The following HS3ST4 variants were observed in gnomAD, a reference collection of about 807,000 sequenced individuals.
The protein encoded by HS3ST4 is heparan sulfate-glucosamine 3-sulfotransferase 4.
A neutral mutation model predicts 29.2 loss-of-function variants in HS3ST4; 17 were observed. That is an observed-to-expected ratio of 0.58 (90% confidence interval 0.40 to 0.87). The LOEUF is 0.87. Ranked by LOEUF, HS3ST4 falls within the 40% of genes least tolerant of loss-of-function variation. The pLI is 0.00. For synonymous variants in HS3ST4, 314 were observed against 285.7 expected (o/e 1.10, Z -1.00); for missense variants, 627 against 634.5 (o/e 0.99, Z 0.13).
intron 1 of HS3ST4, among the ~76,000 whole-genome samples, chr16:25,898,797 G>A (rs892424884): frequency 1.2e-4 from 18 of 152,220 alleles, no homozygotes; most frequent in Non-Finnish European, 2.5e-4. Flanking sequence ...AGAGGGAGAT[G>A]TTGAAGATAG....
intron 1 of HS3ST4, among the ~76,000 whole-genome samples, chr16:26,109,230 G>A (rs1318815787): frequency 2.6e-5 from 4 of 152,148 alleles, no homozygotes; most frequent in African/African-American, 9.7e-5. Flanking sequence ...GCAAAGGGAG[G>A]CAGGTTGTTG....
chr16:25,787,473 C>T (rs1377742848), intron 1 of HS3ST4, among the ~76,000 whole-genome samples: 4 of 152,158 alleles, frequency 2.6e-5, no homozygotes, highest in Non-Finnish European at 4.4e-5. Context: ...TACAACTGGC[C>T]CATTACAACA....
intron 1 of HS3ST4, among the ~76,000 whole-genome samples, chr16:25,725,981 G>A (rs922402627): frequency 2.0e-5 from 3 of 152,036 alleles, no homozygotes; most frequent in East Asian, 1.9e-4. Flanking sequence ...TAATGACCTA[G>A]TATAAACACA....
At chr16:25,799,205 G>A (rs1292272157) in intron 1 of HS3ST4, among the ~76,000 whole-genome samples, 2 of 152,168 alleles carry the variant, frequency 1.3e-5, no homozygotes, top group African/African-American at 4.8e-5. Context: ...GGTGTTGTAA[G>A]TGATTTCCAT....
intron 1 of HS3ST4, among the ~76,000 whole-genome samples, chr16:25,717,722 C>T (rs900768303): frequency 6.6e-6 from 1 of 151,920 alleles, no homozygotes; most frequent in Non-Finnish European, 1.5e-5. Flanking sequence ...TTGTAGGCCA[C>T]GTTAAAGAGT....
At chr16:25,993,998 GT>G (rs1969137297) in intron 1 of HS3ST4, among the ~76,000 whole-genome samples, 1 of 146,974 alleles carries the variant, frequency 6.8e-6, no homozygotes, top group Non-Finnish European at 1.5e-5. Context: ...GTGTGTGTGT[GT>G]GTGTGTGTGG....
Position 25,761,962 on chromosome 16 carries a change from C to T in HS3ST4, c.734+68811C>T, listed in dbSNP as rs943209553. Among the ~76,000 whole-genome samples the T allele has an allele frequency of 3.3e-5, 5 of 152,070 alleles. No homozygotes were observed. In the South Asian group the frequency reaches 6.2e-4, roughly 19 times the overall value. On this transcript the variant is annotated intron_variant, in intron 1 of 1. Coordinates refer to ENST00000331351, the MANE Select transcript of HS3ST4 (RefSeq NM_006040.3). ...TATGGAATGAATGTATGTGTTCCCC[C>T]GAAATTCATAGTTTGAAGCCCTCAC...
intron 1 of HS3ST4, among the ~76,000 whole-genome samples, chr16:25,917,513 T>G (rs1311519038): frequency 1.3e-5 from 2 of 152,200 alleles, no homozygotes; most frequent in Non-Finnish European, 2.9e-5. Context: ...GCCCAGCCTA[T>G]CGCTCTTTCT....
chr16:25,903,300 GTGTATGTATATGTATATATTATATA>G (rs1968137674), intron 1 of HS3ST4, among the ~76,000 whole-genome samples: 2 of 19,060 alleles, frequency 1.0e-4, no homozygotes, highest in Admixed American at 5.1e-4. Flanking sequence ...GTGTGTGTGT[GTGTATGTATATGTATATATTATATA>G]TATGTATATG....
intron 1 of HS3ST4, among the ~76,000 whole-genome samples, chr16:26,078,643 AG>A (rs967088739): frequency 3.3e-5 from 5 of 152,212 alleles, no homozygotes; most frequent in African/African-American, 1.2e-4. Context: ...GGTATATCTG[AG>A]CTCATGCATC....
chr16:25,906,398 G>A (rs1968181005), intron 1 of HS3ST4, among the ~76,000 whole-genome samples: 1 of 151,968 alleles, frequency 6.6e-6, no homozygotes, highest in Non-Finnish European at 1.5e-5. Flanking sequence ...TACCCTGAGT[G>A]GACTTTCATT....
intron 1 of HS3ST4, among the ~76,000 whole-genome samples, chr16:25,718,499 T>C (rs966174704): frequency 1.5e-4 from 10 of 65,658 alleles, no homozygotes; most frequent in Admixed American, 8.5e-4. Context: ...TAAGCAGAAA[T>C]GGGAGAGAGA....
Position 25,788,586 on chromosome 16 carries a change from G to C in HS3ST4, c.734+95435G>C, listed in dbSNP as rs537038153. Reference sequence around the variant, plus strand: ...GACAGGGTCTTGGTCTGTTGCCCGGGCTGGAGTGCAGTGGCATGATCCTAG... The same window carrying C: ...GACAGGGTCTTGGTCTGTTGCCCGGCCTGGAGTGCAGTGGCATGATCCTAG... On this transcript the variant is annotated intron_variant, in intron 1 of 1. Transcript: ENST00000331351. Among the ~76,000 whole-genome samples the C allele has an allele frequency of 2.1e-5, 3 of 141,486 alleles. No homozygotes were observed. In the East Asian group the frequency reaches 6.1e-4, roughly 29 times the overall value. The allele number at this position is 141,486 out of a possible 152,430, so 92.8% of individuals were successfully genotyped here.
intron 1 of HS3ST4, among the ~76,000 whole-genome samples, chr16:25,794,436 G>A (rs565756517): frequency 2.6e-5 from 4 of 151,164 alleles, no homozygotes; most frequent in South Asian, 2.1e-4. Context: ...GAATTCTCTC[G>A]GGTTTTATCG....
intron 1 of HS3ST4, among the ~76,000 whole-genome samples, chr16:26,112,551 T>C (rs1457400698): frequency 1.3e-5 from 2 of 151,596 alleles, no homozygotes; most frequent in African/African-American, 2.4e-5. Flanking sequence ...TACATTAACA[T>C]TAAAACTTCT....
At chr16:26,132,366 G>A (rs536537864) in intron 1 of HS3ST4, among the ~76,000 whole-genome samples, 173 of 152,246 alleles carry the variant, frequency 1.1e-3, no homozygotes, top group Non-Finnish European at 1.8e-3. Context: ...CTCCCCATGT[G>A]TGCCCCAAAT....
chr16:25,728,133 C>G (rs1193995497), intron 1 of HS3ST4, among the ~76,000 whole-genome samples: 1 of 152,172 alleles, frequency 6.6e-6, no homozygotes, highest in Non-Finnish European at 1.5e-5. Flanking sequence ...TCCTGAGTAG[C>G]TGGGATTACA....
At chr16:25,728,962 A>C (rs1009760445) in intron 1 of HS3ST4, among the ~76,000 whole-genome samples, 15 of 152,144 alleles carry the variant, frequency 9.9e-5, no homozygotes, top group African/African-American at 3.6e-4. Context: ...CTGTGCCTGT[A>C]GTCCCAGCTA....
chr16:25,759,744 G>A (rs553500579), intron 1 of HS3ST4, among the ~76,000 whole-genome samples: 120 of 152,242 alleles, frequency 7.9e-4, no homozygotes, highest in Middle Eastern at 6.8e-3. Context: ...ATGCAACATA[G>A]TGAGACGCCA....
Sources: allele counts gnomAD v4.1 joint callset (sites outside exome capture counted in the v4.1 genomes callset), GRCh38; gene constraint gnomAD v4.1.1; transcripts MANE v1.5; gene names NCBI Gene and HGNC (gene_info 2026-07-23, HGNC 2026-07-21).